RAP1GDS1: variants seen among roughly 807,000 people sequenced by gnomAD.
RAP1GDS1 encodes RAP1, GTP-GDP dissociation stimulator 1.
In RAP1GDS1, 35 loss-of-function variants were observed where a neutral mutation model predicts 71.1. That is an observed-to-expected ratio of 0.49 (90% CI 0.38 to 0.65). RAP1GDS1 has a LOEUF of 0.65. Ranked by LOEUF, RAP1GDS1 falls within the 30% of genes least tolerant of loss-of-function variation. The pLI, the probability that RAP1GDS1 is intolerant of heterozygous loss-of-function variation, is 0.00. For missense variants in RAP1GDS1, 663 were observed against 706.1 expected, an observed-to-expected ratio of 0.94 and a Z score of 0.69; for synonymous variants, 229 against 243.1, an observed-to-expected ratio of 0.94 and a Z score of 0.54.
intron 1 of RAP1GDS1, among the ~76,000 whole-genome samples, chr4:98,265,841 A>T (rs754397724): frequency 9.2e-5 from 14 of 152,132 alleles, no homozygotes; most frequent in Admixed American, 7.2e-4. Flanking sequence ...GGTGATAGGG[A>T]CTGAGAACAG....
intron 1 of RAP1GDS1, among the ~76,000 whole-genome samples, chr4:98,283,847 A>G (rs1404709715): frequency 6.9e-6 from 1 of 145,978 alleles, no homozygotes; most frequent in African/African-American, 2.5e-5. Context: ...GTTAGTCACT[A>G]ATTCAGATAC....
chr4:98,424,664 G>A (rs1749355857), intron 12 of RAP1GDS1, among the ~76,000 whole-genome samples: 1 of 152,044 alleles, frequency 6.6e-6, no homozygotes, highest in South Asian at 2.1e-4. Flanking sequence ...GGGAGGCTGA[G>A]GCAGGAGAAT....
At chr4:98,299,434 T>A (rs1017154764) in intron 2 of RAP1GDS1, among the ~76,000 whole-genome samples, 1 of 152,226 alleles carries the variant, frequency 6.6e-6, no homozygotes, top group Admixed American at 6.5e-5. Flanking sequence ...AACAAGTTAA[T>A]TCCCTCTATT....
chr4:98,318,684 A>G (rs554739276), intron 2 of RAP1GDS1, among the ~76,000 whole-genome samples: 1 of 152,244 alleles, frequency 6.6e-6, no homozygotes, highest in Non-Finnish European at 1.5e-5. Context: ...AGCCATGATG[A>G]TGTTGATGGT....
chr4:98,386,698 A>G (rs1265373939), intron 5 of RAP1GDS1, among the ~76,000 whole-genome samples: 1 of 151,932 alleles, frequency 6.6e-6, no homozygotes, highest in Non-Finnish European at 1.5e-5. Flanking sequence ...TGAATTTTAA[A>G]CACATGTAAG....
At chr4:98,276,189 G>A (rs1399493778) in intron 1 of RAP1GDS1, among the ~76,000 whole-genome samples, 1 of 152,046 alleles carries the variant, frequency 6.6e-6, no homozygotes, top group Non-Finnish European at 1.5e-5. Flanking sequence ...GCTCTCTGGA[G>A]GTTGAGTTTA....
chr4:98,297,604 G>C (rs759498243), intron 2 of RAP1GDS1, among the ~76,000 whole-genome samples: 30 of 152,160 alleles, frequency 2.0e-4, no homozygotes, highest in Non-Finnish European at 4.1e-4. Context: ...GCCCATGTAT[G>C]ATGGTAAACT....
intron 4 of RAP1GDS1, among the ~76,000 whole-genome samples, chr4:98,366,308 A>T (rs1341020125): frequency 6.6e-6 from 1 of 152,170 alleles, no homozygotes; most frequent in African/African-American, 2.4e-5. Flanking sequence ...CATTGAAGAC[A>T]TGACTTGCTT....
intron 7 of RAP1GDS1, among the ~76,000 whole-genome samples, chr4:98,411,835 A>G (rs1352241676): frequency 6.6e-6 from 1 of 152,160 alleles, no homozygotes; most frequent in African/African-American, 2.4e-5. Flanking sequence ...TGTATAGTTC[A>G]AGGATTTTAG....
chr4:98,298,490 G>A (rs1030823523), intron 2 of RAP1GDS1, among the ~76,000 whole-genome samples: 1 of 152,126 alleles, frequency 6.6e-6, no homozygotes, highest in African/African-American at 2.4e-5. Context: ...AAAATCCTGG[G>A]GCCCTTCAGA....
At chr4:98,428,505 GAAA>G (rs970229941) in intron 12 of RAP1GDS1, among the ~76,000 whole-genome samples, 1 of 151,870 alleles carries the variant, frequency 6.6e-6, no homozygotes, top group Non-Finnish European at 1.5e-5. Flanking sequence ...AAACTAGCAA[GAAA>G]AAAACTAATA....
At chr4:98,283,807 T>C (rs1187535838) in intron 1 of RAP1GDS1, among the ~76,000 whole-genome samples, 1 of 148,742 alleles carries the variant, frequency 6.7e-6, no homozygotes, top group Non-Finnish European at 1.5e-5. Context: ...TCCTGGTACA[T>C]TTCATTGTGA....
intron 12 of RAP1GDS1, among the ~76,000 whole-genome samples, chr4:98,422,132 G>A (rs933756681): frequency 9.9e-5 from 15 of 152,012 alleles, no homozygotes; most frequent in Middle Eastern, 3.4e-3. Flanking sequence ...CCCGGGAGGC[G>A]GAGCTTGCAG....
At chr4:98,381,265 A>G (rs1401241449) in intron 5 of RAP1GDS1, among the ~76,000 whole-genome samples, 20 of 151,614 alleles carry the variant, frequency 1.3e-4, no homozygotes, top group Admixed American at 1.3e-3. Context: ...TAAAAAAGAC[A>G]TAATCTTGAG....
At chr4:98,268,941 A>T (rs904668849) in intron 1 of RAP1GDS1, among the ~76,000 whole-genome samples, 1 of 152,132 alleles carries the variant, frequency 6.6e-6, no homozygotes, top group African/African-American at 2.4e-5. Context: ...CTTTTCACAG[A>T]AATAGCAAAA....
At chr4:98,427,920 A>C (rs1441047131) in intron 12 of RAP1GDS1, among the ~76,000 whole-genome samples, 1 of 152,164 alleles carries the variant, frequency 6.6e-6, no homozygotes, top group African/African-American at 2.4e-5. Flanking sequence ...ACTAAACAAA[A>C]CAAATCTGGA....
At chr4:98,275,297 A>T (rs1335663224) in intron 1 of RAP1GDS1, among the ~76,000 whole-genome samples, 1 of 152,270 alleles carries the variant, frequency 6.6e-6, no homozygotes, top group African/African-American at 2.4e-5. Flanking sequence ...ATAACAGTAT[A>T]CTATGGTTTT....
intron 2 of RAP1GDS1, among the ~76,000 whole-genome samples, chr4:98,294,494 G>A (rs1482185954): frequency 6.6e-6 from 1 of 151,934 alleles, no homozygotes; most frequent in African/African-American, 2.4e-5. Flanking sequence ...CTGTCATGCT[G>A]TTTAATCATA....
chr4:98,394,473 G>A (rs765257015), intron 6 of RAP1GDS1, among the ~76,000 whole-genome samples: 18 of 151,980 alleles, frequency 1.2e-4, no homozygotes, highest in Non-Finnish European at 2.1e-4. Context: ...ATTCCATGTA[G>A]TATGTCCATA....
Sources: gnomAD v4.1 joint callset for allele counts (sites outside exome capture counted in the v4.1 genomes callset) on GRCh38, gnomAD v4.1.1 for gene constraint, MANE v1.5 for transcripts, NCBI Gene and HGNC (gene_info 2026-07-23, HGNC 2026-07-21) for gene names.